The following CFAP299 variants were observed in gnomAD, a reference collection of about 807,000 sequenced individuals.
The protein encoded by CFAP299 is cilia and flagella associated protein 299.
In CFAP299, 21 loss-of-function variants were observed where a neutral mutation model predicts 27.0. The observed-to-expected ratio is 0.78, with a 90% confidence interval of 0.55 to 1.12. CFAP299 has a LOEUF of 1.12. Ranked by LOEUF, CFAP299 falls within the 50% of genes most tolerant of loss-of-function variation. The pLI is 0.00. For synonymous variants in CFAP299, 104 were observed against 98.1 expected (o/e 1.06, Z -0.36); for missense variants, 310 against 276.6 (o/e 1.12, Z -0.86).
intron 3 of CFAP299, among the ~76,000 whole-genome samples, chr4:80,612,510 C>A (rs1738040314): frequency 6.6e-6 from 1 of 152,022 alleles, no homozygotes; most frequent in South Asian, 2.1e-4. Flanking sequence ...GCAGAAACAT[C>A]CCATCCATAT....
intron 1 of CFAP299, among the ~76,000 whole-genome samples, chr4:80,339,532 G>A (rs1340446946): frequency 6.6e-6 from 1 of 152,164 alleles, no homozygotes; most frequent in Non-Finnish European, 1.5e-5. Context: ...AGAGGAGTAA[G>A]GTGGCTCAGA....
intron 3 of CFAP299, among the ~76,000 whole-genome samples, chr4:80,844,266 C>T (rs1203834025): frequency 6.6e-6 from 1 of 152,040 alleles, no homozygotes; most frequent in Non-Finnish European, 1.5e-5. Flanking sequence ...TGGGTATATA[C>T]CTAGTAATGG....
chr4:80,921,122 A>C (rs1430503183), intron 4 of CFAP299, among the ~76,000 whole-genome samples: 3 of 152,078 alleles, frequency 2.0e-5, no homozygotes, highest in African/African-American at 7.2e-5. Context: ...TGGGGAGAAC[A>C]GTTCGGTATA....
intron 2 of CFAP299, among the ~76,000 whole-genome samples, chr4:80,380,462 C>G (rs1214029072): frequency 8.4e-6 from 1 of 119,108 alleles, no homozygotes; most frequent in Non-Finnish European, 1.6e-5. Flanking sequence ...GAATCTCACT[C>G]TGTTGCACAG....
At chr4:80,714,117 C>T (rs1722338346) in intron 3 of CFAP299, among the ~76,000 whole-genome samples, 1 of 152,048 alleles carries the variant, frequency 6.6e-6, no homozygotes, top group African/African-American at 2.4e-5. Context: ...CTGTCTCGCT[C>T]CTTGAGGGAA....
intron 3 of CFAP299, among the ~76,000 whole-genome samples, chr4:80,741,620 C>T (rs1394952390): frequency 6.6e-6 from 1 of 152,124 alleles, no homozygotes; most frequent in Non-Finnish European, 1.5e-5. Context: ...GAAGGAGTCA[C>T]TTTAATTGCA....
At chr4:80,920,104 T>C (rs190189686) in intron 4 of CFAP299, among the ~76,000 whole-genome samples, 9 of 152,238 alleles carry the variant, frequency 5.9e-5, no homozygotes, top group Middle Eastern at 3.4e-3. Flanking sequence ...TCTACTCTTG[T>C]ATGCCCCTTT....
intron 2 of CFAP299, among the ~76,000 whole-genome samples, chr4:80,504,720 G>A (rs1464451749): frequency 2.7e-5 from 4 of 147,852 alleles, no homozygotes; most frequent in Admixed American, 6.8e-5. Context: ...CGATTATGTG[G>A]CATTTGTAGT....
Position 80,936,497 on chromosome 4 carries a change from T to C in CFAP299, c.477-8313T>C, listed in dbSNP as rs143081972. Reference sequence around the variant, plus strand: ...AGATTATGTCTTTTATGGGAACATATAGAGCTGGAGGCCATTACCCTAGCA... The same window carrying C: ...AGATTATGTCTTTTATGGGAACATACAGAGCTGGAGGCCATTACCCTAGCA... On this transcript the variant is annotated intron_variant, in intron 4 of 5. Coordinates refer to ENST00000358105, the MANE Select transcript of CFAP299 (RefSeq NM_152770.3). Among the ~76,000 whole-genome samples, 6 of 152,094 alleles carry C rather than the reference T, an allele frequency of 3.9e-5. No homozygotes were observed. In the East Asian group the frequency reaches 1.2e-3, roughly 29 times the overall value.
intron 2 of CFAP299, among the ~76,000 whole-genome samples, chr4:80,547,416 A>C (rs908673269): frequency 3.3e-5 from 5 of 152,212 alleles, no homozygotes; most frequent in African/African-American, 1.2e-4. Context: ...ACCTAAAAGA[A>C]TTTAAAAAAT....
intron 2 of CFAP299, among the ~76,000 whole-genome samples, chr4:80,421,080 A>G (rs1020594324): frequency 4.0e-5 from 6 of 151,864 alleles, no homozygotes; most frequent in African/African-American, 1.2e-4. Flanking sequence ...TTATCTCCTC[A>G]TATATAATCC....
chr4:80,842,754 A>T (rs1730934441), intron 3 of CFAP299, among the ~76,000 whole-genome samples: 1 of 152,090 alleles, frequency 6.6e-6, no homozygotes, highest in Admixed American at 6.6e-5. Flanking sequence ...GACACCAGAG[A>T]TTGCCAACAA....
chr4:80,867,642 G>A (rs937543175), intron 3 of CFAP299, among the ~76,000 whole-genome samples: 4 of 152,110 alleles, frequency 2.6e-5, no homozygotes, highest in Admixed American at 6.5e-5. Context: ...TCTTCTTGCC[G>A]TGTCCTCACA....
intron 2 of CFAP299, among the ~76,000 whole-genome samples, chr4:80,512,058 AAAATT>A (rs1732331635): frequency 6.6e-6 from 1 of 152,186 alleles, no homozygotes; most frequent in Admixed American, 6.6e-5. Context: ...GTAACTAGGA[AAAATT>A]AAATTAAGTC....
chr4:80,547,058 G>A (rs565971663), intron 2 of CFAP299, among the ~76,000 whole-genome samples: 2 of 151,958 alleles, frequency 1.3e-5, no homozygotes, highest in African/African-American at 4.8e-5. Context: ...AGCAAAAAGA[G>A]CTCAAATCAC....
the CFAP299 span, among the ~76,000 whole-genome samples, chr4:80,324,954 C>G: frequency 6.6e-6 from 1 of 152,136 alleles, no homozygotes; most frequent in Non-Finnish European, 1.5e-5. Context: ...AAAACCCTGT[C>G]TCTACTAAAA....
chr4:80,762,028 G>C (rs1007364225), intron 3 of CFAP299, among the ~76,000 whole-genome samples: 1 of 151,736 alleles, frequency 6.6e-6, no homozygotes, highest in South Asian at 2.1e-4. Context: ...ATGTGTTTGG[G>C]ATTCAAATAT....
intron 3 of CFAP299, among the ~76,000 whole-genome samples, chr4:80,859,982 C>G (rs1278970566): frequency 6.6e-6 from 1 of 152,188 alleles, no homozygotes; most frequent in Non-Finnish European, 1.5e-5. Context: ...GGGAAGTTCT[C>G]CTGGATAATA....
intron 3 of CFAP299, among the ~76,000 whole-genome samples, chr4:80,699,452 A>G (rs1721325619): frequency 6.6e-6 from 1 of 152,218 alleles, no homozygotes; most frequent in Admixed American, 6.5e-5. Context: ...TGCACCAGGC[A>G]GTACCAGAAA....
Sources: gnomAD v4.1 joint callset for allele counts (sites outside exome capture counted in the v4.1 genomes callset) on GRCh38, gnomAD v4.1.1 for gene constraint, MANE v1.5 for transcripts, NCBI Gene and HGNC (gene_info 2026-07-23, HGNC 2026-07-21) for gene names.